The following MBD5 variants were observed in gnomAD, a reference collection of about 807,000 sequenced individuals.
The protein encoded by MBD5 is methyl-CpG binding domain protein 5, also known as methyl-CpG-binding domain protein 5.
Under a neutral mutation model 117.3 loss-of-function variants are expected in MBD5, and 13 were observed. That is an observed-to-expected ratio of 0.11 (90% CI 0.07 to 0.18). The LOEUF (loss-of-function observed/expected upper bound fraction) is 0.18, where lower values mean the gene tolerates loss of function less well. Ranked by LOEUF, MBD5 falls within the 10% of genes least tolerant of loss-of-function variation. MBD5 has a pLI of 1.00. For missense variants in MBD5, 1,879 were observed against 2,093.8 expected (o/e 0.90, Z 2.00); for synonymous variants, 727 against 766.4 (o/e 0.95, Z 0.85).
chr2:148,196,207 G>A (rs1261465065), intron 2 of MBD5: 36 of 152,096 alleles, frequency 2.4e-4, no homozygotes, highest in Admixed American at 2.4e-3. Flanking sequence ...AAGTCCTCCA[G>A]GAAGTTCTTG....
At chr2:148,107,583 A>T (rs919177027) in intron 1 of MBD5, among the ~76,000 whole-genome samples, 2 of 151,672 alleles carry the variant, frequency 1.3e-5, no homozygotes, top group African/African-American at 4.8e-5. Context: ...CAGTTTTCTA[A>T]TTCTCTTTTC....
chr2:148,142,449 A>G (rs1254767462), intron 1 of MBD5, among the ~76,000 whole-genome samples: 1 of 152,178 alleles, frequency 6.6e-6, no homozygotes, highest in East Asian at 1.9e-4. Context: ...CAAAATTGTA[A>G]GGGAAACAAA....
Position 148,469,904 on chromosome 2 carries a change from A to T in MBD5, c.1961A>T (p.Asp654Val), listed in dbSNP as rs115495710. ...LRDKLMSQQK[D>V]ALRKRKQPPT... ...GATAAGCTGATGTCTCAGCAAAAAGACGCATTGCGGAAAAGAAAACAACCA... is the reference window on the plus strand; with the variant it reads ...GATAAGCTGATGTCTCAGCAAAAAGTCGCATTGCGGAAAAGAAAACAACCA... Residue 654 changes from aspartate (D) to valine (V), a missense_variant, in exon 8 of 14, where the codon GAC becomes GTC. Transcript: ENST00000642680. The T allele has an allele frequency of 6.1e-5, 99 of 1,613,958 alleles. No homozygotes were observed. The African/African-American group carries it at 9.6e-4, about 16-fold the overall frequency.
At chr2:148,046,301 C>T (rs1410623249) in intron 1 of MBD5, among the ~76,000 whole-genome samples, 2 of 152,096 alleles carry the variant, frequency 1.3e-5, no homozygotes, top group East Asian at 1.9e-4. Flanking sequence ...GCTTTTTATA[C>T]ACTAGTGATG....
chr2:148,152,464 G>A (rs1026533103), intron 1 of MBD5, among the ~76,000 whole-genome samples: 3 of 152,012 alleles, frequency 2.0e-5, no homozygotes, highest in Non-Finnish European at 4.4e-5. Context: ...TCCGCTTGCT[G>A]CAGAGCTGAG....
chr2:148,166,517 G>A (rs982978381), intron 1 of MBD5, among the ~76,000 whole-genome samples: 1 of 152,162 alleles, frequency 6.6e-6, no homozygotes, highest in Non-Finnish European at 1.5e-5. Context: ...AGAGCCTAGT[G>A]TTTCTCCCAA....
At chr2:148,301,909 T>C (rs1256553030) in intron 3 of MBD5, among the ~76,000 whole-genome samples, 1 of 152,162 alleles carries the variant, frequency 6.6e-6, no homozygotes, top group Non-Finnish European at 1.5e-5. Context: ...TTTCAGGTGT[T>C]TCTATCTATT....
chr2:148,047,194 A>G (rs1027719076), intron 1 of MBD5, among the ~76,000 whole-genome samples: 3 of 152,158 alleles, frequency 2.0e-5, no homozygotes, highest in Non-Finnish European at 4.4e-5. Flanking sequence ...TGATGCACTC[A>G]TTTAACTTTT....
At chr2:148,392,968 A>G (rs1398393928) in intron 4 of MBD5, among the ~76,000 whole-genome samples, 1 of 152,172 alleles carries the variant, frequency 6.6e-6, no homozygotes, top group African/African-American at 2.4e-5. Flanking sequence ...AAACATTTTT[A>G]AAAACTCACT....
intron 3 of MBD5, among the ~76,000 whole-genome samples, chr2:148,299,378 TCA>T (rs1701729998): frequency 2.0e-5 from 3 of 152,152 alleles, no homozygotes; most frequent in Admixed American, 2.0e-4. Flanking sequence ...TCCACCTGCC[TCA>T]GCCTCCCAAA....
chr2:148,412,687 G>A (rs1705299680), intron 4 of MBD5, among the ~76,000 whole-genome samples: 1 of 152,038 alleles, frequency 6.6e-6, no homozygotes, highest in African/African-American at 2.4e-5. Context: ...CTAGTTAGCT[G>A]TATTCCCAGG....
At position 148,413,510 on chromosome 2, in the gene MBD5, CT is replaced by C. The variant is rs56767489; in HGVS notation, c.-556-44679del. Among the ~76,000 whole-genome samples the C allele has an allele frequency of 2.7e-3, 373 of 139,678 alleles. 1 individual carries two copies. The highest frequency in any genetic ancestry group is 4.2e-3 in the African/African-American group (162 of 38,536). 91.6% of individuals were successfully genotyped at this position (139,678 alleles called of 152,430 possible). On this transcript the variant is annotated intron_variant, in intron 4 of 13. Transcript: ENST00000642680. ...TAGGGAAGAGTCCCTCCTCCCCCAC[CT>C]TTTTTTTTTTTTTGGAGTAATTTCA...
chr2:148,510,139 A>T lies in MBD5; in HGVS notation c.5112+4A>T. 6.3e-7 allele frequency: 1 copy of T among 1,599,328 alleles called. No homozygotes were observed. On this transcript the variant is annotated splice_donor_region_variant and intron_variant, in intron 13 of 13. Transcript: ENST00000642680. ...ACTGGACAAAATGTCTGGGACTGTAAGTTAATTTATTTTTCCATTATACTA... is the reference window on the plus strand; with the variant it reads ...ACTGGACAAAATGTCTGGGACTGTATGTTAATTTATTTTTCCATTATACTA...
chr2:148,321,411 A>G (rs1242947868), intron 3 of MBD5, among the ~76,000 whole-genome samples: 5 of 152,184 alleles, frequency 3.3e-5, no homozygotes, highest in Non-Finnish European at 7.4e-5. Flanking sequence ...CCTGCAGGCC[A>G]TGCATTGAAC....
chr2:148,021,329 C>A lies in MBD5; in HGVS notation c.-1280C>A. The A allele has an allele frequency of 2.7e-6, 1 of 371,762 alleles. No homozygotes were observed. Among genetic ancestry groups the A allele is most frequent in the Non-Finnish European group, 5.4e-6 (1 of 186,056 alleles). The allele number at this position is 371,762 out of a possible 1,614,324, so 23.0% of individuals were successfully genotyped here. ...GAAGGAGTTTCTTCTTCTTCGAAAA[C>A]CCCCATCCACGACTCCTACCCCCTC... On this transcript the variant is annotated 5_prime_UTR_variant, in exon 1 of 14. Transcript: ENST00000642680.
At chr2:148,412,586 A>G (rs989627151) in intron 4 of MBD5, among the ~76,000 whole-genome samples, 21 of 151,962 alleles carry the variant, frequency 1.4e-4, no homozygotes, top group Non-Finnish European at 2.9e-4. Context: ...CTTCCTCTCC[A>G]TGGGCATGGA....
chr2:148,273,373 G>A (rs946403091), intron 3 of MBD5, among the ~76,000 whole-genome samples: 1 of 152,142 alleles, frequency 6.6e-6, no homozygotes, highest in African/African-American at 2.4e-5. Context: ...TATGGTTCAC[G>A]AGTCATGTAG....
chr2:148,292,573 G>A (rs916656024), intron 3 of MBD5, among the ~76,000 whole-genome samples: 3 of 152,038 alleles, frequency 2.0e-5, no homozygotes, highest in African/African-American at 4.8e-5. Context: ...AATAACAAAT[G>A]CTAGCTAGGA....
chr2:148,277,938 T>C (rs1701153613), intron 3 of MBD5, among the ~76,000 whole-genome samples: 2 of 152,198 alleles, frequency 1.3e-5, no homozygotes, highest in South Asian at 4.1e-4. Flanking sequence ...CTTCTTAGTG[T>C]ATAGTTCTGA....
Sources: gnomAD v4.1 joint callset for allele counts (sites outside exome capture counted in the v4.1 genomes callset) on GRCh38, gnomAD v4.1.1 for gene constraint, MANE v1.5 for transcripts, NCBI Gene and HGNC (gene_info 2026-07-23, HGNC 2026-07-21) for gene names.